Variants in PDE9A observed in about 807,000 individuals in gnomAD.
PDE9A encodes the protein phosphodiesterase 9A.
In PDE9A, 60 loss-of-function variants were observed where a neutral mutation model predicts 87.4. The observed-to-expected ratio is 0.69, with a 90% CI of 0.56 to 0.85. The LOEUF is 0.85. Among genes scored for constraint, PDE9A ranks in the 40% least tolerant of loss-of-function variants. The pLI is 0.00. For synonymous variants in PDE9A, 272 were observed against 279.4 expected (o/e 0.97, Z 0.27); for missense variants, 665 against 779.0 (o/e 0.85, Z 1.74).
chr21:42,697,314 C>T (rs929896321), intron 3 of PDE9A: 24 of 731,618 alleles, frequency 3.3e-5, no homozygotes, highest in Middle Eastern at 2.4e-4. Flanking sequence ...AGATTTTCCA[C>T]GTTACCTGTA....
At chr21:42,677,547 A>T (rs2058921529) in intron 1 of PDE9A, among the ~76,000 whole-genome samples, 1 of 152,194 alleles carries the variant, frequency 6.6e-6, no homozygotes, top group Non-Finnish European at 1.5e-5. Context: ...CCAGCCCCTA[A>T]GTGCTTCACA....
At chr21:42,743,415 C>T (rs1602407524) in intron 7 of PDE9A, among the ~76,000 whole-genome samples, 1 of 152,202 alleles carries the variant, frequency 6.6e-6, no homozygotes. Context: ...GGATAAAAGA[C>T]GCCTTTGTCC....
At chr21:42,772,220 A>G (rs1164198525) in intron 18 of PDE9A, among the ~76,000 whole-genome samples, 11 of 152,232 alleles carry the variant, frequency 7.2e-5, no homozygotes, top group Non-Finnish European at 1.3e-4. Flanking sequence ...GGGTGAGCTC[A>G]CTGTCCAGGC....
chr21:42,757,459 G>C (rs1490019821), intron 10 of PDE9A: 1 of 152,218 alleles, frequency 6.6e-6, no homozygotes, highest in African/African-American at 2.4e-5. Context: ...AGCGTAACAA[G>C]TAAAAATGGA....
intron 13 of PDE9A, among the ~76,000 whole-genome samples, chr21:42,761,222 C>G (rs2055728025): frequency 6.6e-6 from 1 of 152,272 alleles, no homozygotes; most frequent in Non-Finnish European, 1.5e-5. Flanking sequence ...AGGCAGGGAG[C>G]AACACCTGTC....
chr21:42,656,491 C>T (rs187014476), intron 1 of PDE9A, among the ~76,000 whole-genome samples: 1 of 152,366 alleles, frequency 6.6e-6, no homozygotes, highest in South Asian at 2.1e-4. Flanking sequence ...AGGGAGGCCC[C>T]GGGCAGCAAG....
At chr21:42,686,064 G>A in intron 1 of PDE9A, 128 bp from the exon 2 acceptor site, 2 of 659,090 alleles carry the variant, frequency 3.0e-6, no homozygotes, top group South Asian at 1.8e-5. Context: ...ATTCCCGTGC[G>A]TAGAGTTACA....
At chr21:42,681,607 G>A (rs1174566218) in intron 1 of PDE9A, among the ~76,000 whole-genome samples, 1 of 152,140 alleles carries the variant, frequency 6.6e-6, no homozygotes, top group African/African-American at 2.4e-5. Context: ...ATTATGAAGA[G>A]GCATCAATTT....
chr21:42,680,103 G>A (rs1355537460), intron 1 of PDE9A, among the ~76,000 whole-genome samples: 1 of 152,218 alleles, frequency 6.6e-6, no homozygotes, highest in Non-Finnish European at 1.5e-5. Context: ...CCCTCTCACA[G>A]CCTCCGCTGC....
At position 42,726,624 on chromosome 21, in the gene PDE9A, A is replaced by ATATATTTT; in HGVS notation, c.263-5145_263-5144insATATTTTT. ...TATATATATATATATATATATATAT[A>ATATATTTT]TTTTTTTTTTTTTTTTTGTAGAGAT... On this transcript the variant is annotated intron_variant, in intron 4 of 19. Coordinates refer to ENST00000291539, the MANE Select transcript of PDE9A (RefSeq NM_002606.3). 8.6e-3 allele frequency among the ~76,000 whole-genome samples: 171 copies of ATATATTTT among 19,782 alleles called. 8 individuals carry two copies. The highest frequency in any genetic ancestry group is 0.011 in the Non-Finnish European group (143 of 13,360). The allele number at this position is 19,782 out of a possible 152,430, so 13.0% of individuals were successfully genotyped here.
intron 1 of PDE9A, among the ~76,000 whole-genome samples, chr21:42,664,685 G>C (rs1001224109): frequency 1.3e-5 from 2 of 152,140 alleles, no homozygotes; most frequent in Non-Finnish European, 2.9e-5. Context: ...GAGGGAGGGG[G>C]TTCCATTCCC....
At chr21:42,755,427 C>T (rs919079226) in intron 10 of PDE9A, among the ~76,000 whole-genome samples, 5 of 152,222 alleles carry the variant, frequency 3.3e-5, no homozygotes, top group East Asian at 1.9e-4. Flanking sequence ...GAGCAGCAGG[C>T]GGCCAGTCCC....
chr21:42,765,545 GCAGGTCATCCATC>G, intron 15 of PDE9A, 51 bp downstream of exon 15: 1 of 961,366 alleles, frequency 1.0e-6, no homozygotes, highest in Non-Finnish European at 1.7e-6. Context: ...GGCTGGCGAA[GCAGGTCATCCATC>G]CAGCTCACAC....
intron 8 of PDE9A, among the ~76,000 whole-genome samples, chr21:42,749,723 C>A (rs1049038403): frequency 1.3e-5 from 2 of 152,264 alleles, no homozygotes. Context: ...ATGGCCACAC[C>A]CTGGAGAAAC....
Position 42,760,890 on chromosome 21 carries a change from T to C in PDE9A, c.1068T>C (p.His356=). The change falls in exon 13 of 20, where the codon CAT becomes CAC. Residue 356 remains histidine, a synonymous_variant. Transcript: ENST00000291539. This position sits in a 1 kb window ranked among gnomAD's most constrained non-coding sequence, Gnocchi z 5.2. ...CGGCCATCTGCCACGATCTGGACCA[T>C]CCCGGCTACAACAACACGTATGTAC... ...MTAAICHDLD[H]PGYNNTYQIN... 6.2e-7 allele frequency: 1 copy of C among 1,609,892 alleles called. No individual in the cohort carries two copies. Among genetic ancestry groups the C allele is most frequent in the Non-Finnish European group, 8.5e-7 (1 of 1,176,126 alleles).
At chr21:42,670,250 T>C (rs958636245) in intron 1 of PDE9A, among the ~76,000 whole-genome samples, 26 of 108,402 alleles carry the variant, frequency 2.4e-4, no homozygotes, top group East Asian at 1.2e-3. Context: ...CTCATACACA[T>C]ACATACATTC....
intron 4 of PDE9A, among the ~76,000 whole-genome samples, chr21:42,730,825 T>C (rs1252090595): frequency 2.0e-4 from 30 of 152,360 alleles, no homozygotes; most frequent in Non-Finnish European, 1.0e-4. Context: ...GATGAATATC[T>C]TTTGTGTACA....
Position 42,687,941 on chromosome 21 carries a change from C to G in PDE9A, c.165C>G (p.Thr55=). The stretch of plus-strand genomic sequence containing the variant: ...GGAACACGACCATCTCCCTGCTGAC[C>G]ACCGACGACGCCATGGTCTCCATCG... ...LPRNTTISLL[T]TDDAMVSIDP... is the part of the protein sequence containing the mutation. Residue 55 remains threonine, a synonymous_variant, in exon 3 of 20, where the codon ACC becomes ACG. Coordinates refer to ENST00000291539, the MANE Select transcript of PDE9A (RefSeq NM_002606.3). The G allele has an allele frequency of 6.2e-7, 1 of 1,613,192 alleles. No homozygotes were observed. Among genetic ancestry groups the G allele is most frequent in the Non-Finnish European group, 8.5e-7 (1 of 1,179,988 alleles).
At chr21:42,765,300 G>A in intron 14 of PDE9A, 81 bp from the exon 15 acceptor site, 1 of 712,502 alleles carries the variant, frequency 1.4e-6, no homozygotes, top group Admixed American at 2.4e-5. Context: ...ATGTGTGCAG[G>A]GGGCTCAGTA....
Sources: allele counts gnomAD v4.1 joint callset (sites outside exome capture counted in the v4.1 genomes callset), GRCh38; gene constraint gnomAD v4.1.1; non-coding constraint Gnocchi (gnomAD v3.1); transcripts MANE v1.5; gene names NCBI Gene and HGNC (gene_info 2026-07-23, HGNC 2026-07-21).